The following RIMS1 variants were observed in gnomAD, a reference collection of about 807,000 sequenced individuals.
RIMS1 encodes regulating synaptic membrane exocytosis 1.
Under a neutral mutation model 214.1 loss-of-function variants are expected in RIMS1, and 83 were observed. That is an observed-to-expected ratio of 0.39 (90% CI 0.32 to 0.47). The LOEUF (loss-of-function observed/expected upper bound fraction) is 0.47, where lower values mean the gene tolerates loss of function less well. RIMS1 is among the 20% of genes least tolerant of loss of function. The pLI is 0.99. For missense variants in RIMS1, 2,050 were observed against 2,161.8 expected (o/e 0.95, Z 1.03); for synonymous variants, 793 against 786.8 (o/e 1.01, Z -0.13).
chr6:72,360,327 A>G (rs986181790), intron 29 of RIMS1, among the ~76,000 whole-genome samples: 20 of 152,300 alleles, frequency 1.3e-4, no homozygotes, highest in Admixed American at 3.3e-4. Context: ...AAATTAATCT[A>G]TTTATCACAT....
At chr6:72,171,436 G>C (rs964367441) in intron 4 of RIMS1, among the ~76,000 whole-genome samples, 1 of 151,418 alleles carries the variant, frequency 6.6e-6, no homozygotes, top group Non-Finnish European at 1.5e-5. Context: ...TTTTCTTACT[G>C]ATATTGTATG....
intron 29 of RIMS1, among the ~76,000 whole-genome samples, chr6:72,355,251 A>C (rs1435659432): frequency 6.6e-6 from 1 of 152,162 alleles, no homozygotes; most frequent in East Asian, 1.9e-4. Context: ...TATTGTCTCT[A>C]AACTTCATCT....
chr6:72,008,640 A>C (rs867242093), intron 2 of RIMS1, among the ~76,000 whole-genome samples: 7 of 152,228 alleles, frequency 4.6e-5, no homozygotes, highest in Admixed American at 4.6e-4. Flanking sequence ...TCTACCAAGC[A>C]AATGGAAAAC....
At chr6:72,231,413 A>G (rs2061928751) in intron 6 of RIMS1, among the ~76,000 whole-genome samples, 1 of 151,728 alleles carries the variant, frequency 6.6e-6, no homozygotes, top group Admixed American at 6.6e-5. Context: ...AATATATACA[A>G]ATATTGTATG....
intron 26 of RIMS1, among the ~76,000 whole-genome samples, chr6:72,306,765 C>T (rs2095209985): frequency 6.6e-6 from 1 of 152,068 alleles, no homozygotes; most frequent in South Asian, 2.1e-4. Flanking sequence ...ATAAGAATGC[C>T]TCAATAAAGT....
chr6:71,946,768 C>CA (rs56142618), intron 1 of RIMS1, among the ~76,000 whole-genome samples: 4,336 of 144,718 alleles, frequency 0.03, 181 homozygotes, highest in East Asian at 0.16. Context: ...GCAACGAAAG[C>CA]AAAAAAAAAA....
At chr6:71,899,037 T>C (rs1214802182) in intron 1 of RIMS1, among the ~76,000 whole-genome samples, 1 of 152,140 alleles carries the variant, frequency 6.6e-6, no homozygotes, top group Non-Finnish European at 1.5e-5. Flanking sequence ...ATTAAGTAAA[T>C]AATATATAAG....
chr6:72,213,610 A>G lies in RIMS1; in HGVS notation c.1679-20163A>G, dbSNP rs114228294. On this transcript the variant is annotated intron_variant, in intron 6 of 33. Coordinates refer to ENST00000521978, the MANE Select transcript of RIMS1 (RefSeq NM_014989.7). ...CTGTAAATGTGTTCCATGCTTTACT[A>G]TCTCATACAAAGAATGAGAAATACA... Among the ~76,000 whole-genome samples, 444 of 152,270 alleles carry G rather than the reference A, an allele frequency of 2.9e-3. 1 individual carries two copies. The highest frequency in any genetic ancestry group is 0.01 in the African/African-American group (425 of 41,546).
At chr6:71,958,189 A>G (rs78261128) in intron 1 of RIMS1, among the ~76,000 whole-genome samples, 2,207 of 152,254 alleles carry the variant, frequency 0.014, 70 homozygotes, top group African/African-American at 0.05. Context: ...GGTGATCATA[A>G]CATTTGTCAT....
intron 2 of RIMS1, among the ~76,000 whole-genome samples, chr6:72,054,148 T>C (rs992739218): frequency 2.6e-5 from 4 of 152,114 alleles, no homozygotes; most frequent in African/African-American, 7.2e-5. Context: ...TCATTGTTCA[T>C]CTCCTACTTA....
At chr6:71,984,593 C>G (rs1274303058) in intron 2 of RIMS1, among the ~76,000 whole-genome samples, 1 of 152,100 alleles carries the variant, frequency 6.6e-6, no homozygotes, top group Non-Finnish European at 1.5e-5. Flanking sequence ...AAAATTAATG[C>G]TCAAACTGGT....
intron 6 of RIMS1, among the ~76,000 whole-genome samples, chr6:72,233,327 G>T (rs2062729813): frequency 6.6e-6 from 1 of 151,628 alleles, no homozygotes; most frequent in African/African-American, 2.4e-5. Context: ...GATGAGAGAA[G>T]ATAAAGATCA....
chr6:72,243,414 G>A (rs1264561539), intron 10 of RIMS1, among the ~76,000 whole-genome samples: 2 of 151,548 alleles, frequency 1.3e-5, no homozygotes, highest in African/African-American at 4.8e-5. Flanking sequence ...AATTTTAACT[G>A]GTTATTATTA....
intron 1 of RIMS1, among the ~76,000 whole-genome samples, chr6:71,939,924 G>A (rs930670365): frequency 1.3e-5 from 2 of 152,170 alleles, no homozygotes; most frequent in African/African-American, 4.8e-5. Flanking sequence ...ACTGGGCCTG[G>A]AGTTAAATAC....
At chr6:72,021,543 G>A (rs1814688219) in intron 2 of RIMS1, among the ~76,000 whole-genome samples, 1 of 152,144 alleles carries the variant, frequency 6.6e-6, no homozygotes, top group Non-Finnish European at 1.5e-5. Context: ...AGTAAGTTAT[G>A]TGTAAAACTT....
chr6:71,981,551 C>A (rs1446318353), intron 2 of RIMS1, among the ~76,000 whole-genome samples: 1 of 151,940 alleles, frequency 6.6e-6, no homozygotes, highest in Non-Finnish European at 1.5e-5. Flanking sequence ...GGTATTCACC[C>A]CACATTAGAA....
chr6:72,183,233 G>C, intron 6 of RIMS1, 84 bp downstream of exon 6: 1 of 1,393,276 alleles, frequency 7.2e-7, no homozygotes, highest in Non-Finnish European at 9.8e-7. Context: ...CTAGTTGCTG[G>C]GTTCAGCATT....
intron 4 of RIMS1, among the ~76,000 whole-genome samples, chr6:72,166,545 T>A (rs903820546): frequency 2.6e-5 from 4 of 152,032 alleles, no homozygotes; most frequent in Admixed American, 2.6e-4. Context: ...TGAATTTTGG[T>A]TTTTTGGGTA....
intron 29 of RIMS1, among the ~76,000 whole-genome samples, chr6:72,347,464 A>C (rs2097304898): frequency 6.6e-6 from 1 of 151,906 alleles, no homozygotes; most frequent in African/African-American, 2.4e-5. Flanking sequence ...TTCTTAGTAG[A>C]TCACAGAAAG....
Sources: gnomAD v4.1 joint callset for allele counts (sites outside exome capture counted in the v4.1 genomes callset) on GRCh38, gnomAD v4.1.1 for gene constraint, MANE v1.5 for transcripts, NCBI Gene and HGNC (gene_info 2026-07-23, HGNC 2026-07-21) for gene names.